ENTPD1: variants seen among roughly 807,000 people sequenced by gnomAD.
The protein encoded by ENTPD1 is ATP diphosphohydrolase.
ENTPD1 carries 33 observed loss-of-function variants against 57.0 expected under a neutral mutation model. The ratio of observed to expected loss-of-function variants is 0.58; its 90% CI spans 0.44 to 0.77. The LOEUF is 0.77. ENTPD1 is among the 30% of genes least tolerant of loss of function. The pLI is 0.00. For synonymous variants in ENTPD1, 202 were observed against 218.8 expected, an observed-to-expected ratio of 0.92 and a Z score of 0.68; for missense variants, 501 against 603.4, an observed-to-expected ratio of 0.83 and a Z score of 1.78.
At chr10:95,724,463 G>A (rs1014912180) in intron 1 of ENTPD1, among the ~76,000 whole-genome samples, 2 of 152,132 alleles carry the variant, frequency 1.3e-5, no homozygotes, top group African/African-American at 4.8e-5. Context: ...GGGGTTCTTG[G>A]CCTCACGGAT....
rs747723532 is a variant in ENTPD1, at chr10:95,839,767, A to G, written c.221A>G (p.Asp74Gly). 1 of 1,614,110 alleles carries G rather than the reference A, an allele frequency of 6.2e-7. No individual in the cohort carries two copies. Among genetic ancestry groups the G allele is most frequent in the Non-Finnish European group, 8.5e-7 (1 of 1,180,024 alleles). ...IYKWPAEKENDTGVVHQVEEC... is the reference protein window; with the variant it reads ...IYKWPAEKENGTGVVHQVEEC... ...AAGTGGCCAGCAGAAAAGGAGAATG[A>G]CACAGGCGTGGTGCATCAAGTAGAA... Residue 74 changes from aspartate (D) to glycine (G), a missense_variant, in exon 3 of 10, where the codon GAC (aspartate) becomes GGC (glycine). Transcript: ENST00000371205.
In ENTPD1 at chr10:95,864,219, C is replaced by T. The variant is rs950060284; in HGVS notation, c.1189-505C>T. On this transcript the variant is annotated intron_variant, in intron 8 of 9. Transcript: ENST00000371205. ...TGTGTTTCTCAAACTTTACTGTGCA[C>T]GTGAATCACCTGGGAATCATATTGG... 4.6e-5 allele frequency among the ~76,000 whole-genome samples: 7 copies of T among 152,244 alleles called. No homozygotes were observed. In the South Asian group the frequency reaches 6.2e-4, roughly 14 times the overall value.
At chr10:95,848,539 C>G (rs1441052370) in intron 7 of ENTPD1, among the ~76,000 whole-genome samples, 1 of 152,114 alleles carries the variant, frequency 6.6e-6, no homozygotes, top group African/African-American at 2.4e-5. Flanking sequence ...GTGATAATCT[C>G]AGTGCTGTAC....
At position 95,845,402 on chromosome 10, in the gene ENTPD1, G is replaced by A. The variant is rs1202376698; in HGVS notation, c.619G>A (p.Glu207Lys). ...AGTCCCATATGAAACCAATAATCAG[G>A]AAACCTTTGGAGCTTTGGACCTTGG... ...SIVPYETNNQ[E>K]TFGALDLGGA... The change falls in exon 6 of 10, where the codon GAA becomes AAA. Residue 207 changes from glutamate to lysine, a missense_variant. Glu to Lys is a moderately conservative substitution (Grantham distance 56, BLOSUM62 1). Coordinates refer to ENST00000371205, the MANE Select transcript of ENTPD1 (RefSeq NM_001776.6). 2 of 1,614,186 alleles carry A rather than the reference G, an allele frequency of 1.2e-6. No homozygotes were observed. The highest frequency in any genetic ancestry group is 2.2e-5 in the East Asian group (1 of 44,884).
At chr10:95,818,510 A>G (rs2098337653) in intron 1 of ENTPD1, among the ~76,000 whole-genome samples, 4 of 152,214 alleles carry the variant, frequency 2.6e-5, no homozygotes, top group African/African-American at 9.6e-5. Context: ...GGATTCTGAT[A>G]GAGAAGATAA....
intron 1 of ENTPD1, among the ~76,000 whole-genome samples, chr10:95,766,112 T>C (rs559060091): frequency 1.1e-4 from 17 of 152,306 alleles, no homozygotes; most frequent in African/African-American, 2.9e-4. Flanking sequence ...TAAAAAATTC[T>C]GCCACATTTA....
chr10:95,842,849 C>T (rs1035900756), intron 4 of ENTPD1, among the ~76,000 whole-genome samples: 4 of 152,184 alleles, frequency 2.6e-5, no homozygotes, highest in Admixed American at 6.5e-5. Flanking sequence ...GACTCATAGA[C>T]ATCCCAGGTC....
intron 1 of ENTPD1, among the ~76,000 whole-genome samples, chr10:95,792,915 C>G (rs1487533268): frequency 1.3e-5 from 2 of 152,182 alleles, no homozygotes; most frequent in South Asian, 4.1e-4. Flanking sequence ...GCTGAAATGT[C>G]ATGTTCACTC....
At chr10:95,813,487 C>A (rs942176624) in intron 1 of ENTPD1, among the ~76,000 whole-genome samples, 4 of 152,124 alleles carry the variant, frequency 2.6e-5, no homozygotes, top group African/African-American at 9.7e-5. Context: ...TCTTATCAGG[C>A]AGAAAAGATG....
At position 95,876,025 on chromosome 10, in the gene ENTPD1, A is replaced by C. The variant is rs2098485406; in HGVS notation, c.*9642A>C. 1 of 985,270 alleles carries C rather than the reference A, an allele frequency of 1.0e-6. No individual in the cohort carries two copies. The highest frequency in any genetic ancestry group is 1.7e-5 in the African/African-American group (1 of 57,230). The allele number at this position is 985,270 out of a possible 1,614,324, so 61.0% of individuals were successfully genotyped here. On this transcript the variant is annotated 3_prime_UTR_variant, in exon 10 of 10. Transcript: ENST00000371205. ...ACAATCTCTTGCTATATGACACAATAATTATTTGCAAAATGAGTAAACATA... is the reference window on the plus strand; with the variant it reads ...ACAATCTCTTGCTATATGACACAATCATTATTTGCAAAATGAGTAAACATA...
chr10:95,860,284 G>A (rs1383783357), intron 7 of ENTPD1, among the ~76,000 whole-genome samples, 185 bp from the exon 8 acceptor site: 4 of 152,164 alleles, frequency 2.6e-5, no homozygotes, highest in Non-Finnish European at 5.9e-5. Context: ...TTAGAAATGT[G>A]TGTCAGCAGC....
the ENTPD1 span, among the ~76,000 whole-genome samples, chr10:95,704,959 C>CA: frequency 2.0e-5 from 3 of 151,730 alleles, no homozygotes; most frequent in Admixed American, 2.0e-4. Flanking sequence ...TACAATCCCC[C>CA]AAAAAATTGA....
chr10:95,830,866 G>A (rs1025058715), intron 2 of ENTPD1, among the ~76,000 whole-genome samples: 19 of 152,176 alleles, frequency 1.2e-4, no homozygotes, highest in Non-Finnish European at 2.6e-4. Context: ...ATTCTAATGA[G>A]TAGTTTTGAT....
intron 7 of ENTPD1, among the ~76,000 whole-genome samples, chr10:95,848,845 G>T (rs2098440139): frequency 6.6e-6 from 1 of 152,178 alleles, no homozygotes; most frequent in Admixed American, 6.5e-5. Flanking sequence ...TTTATCACCT[G>T]AGGAGTCGTT....
chr10:95,736,809 A>T (rs1251070061), intron 1 of ENTPD1, among the ~76,000 whole-genome samples: 1 of 152,176 alleles, frequency 6.6e-6, no homozygotes, highest in Non-Finnish European at 1.5e-5. Context: ...CTAATGACTG[A>T]TAGGTGCAAA....
chr10:95,866,169 G>C lies in ENTPD1; in HGVS notation c.1327-8G>C, dbSNP rs113356670. On this transcript the variant is annotated splice_polypyrimidine_tract_variant and splice_region_variant and intron_variant, in intron 9 of 9. Coordinates refer to ENST00000371205, the MANE Select transcript of ENTPD1 (RefSeq NM_001776.6). ...CAACCACAAACAGACTTTCCCCACT[G>C]TTTGCAGATCCAGGGCAGCGACGCC... 7 of 1,612,154 alleles carry C rather than the reference G, an allele frequency of 4.3e-6. No homozygotes were observed. The highest frequency in any genetic ancestry group is 1.3e-5 in the African/African-American group (1 of 74,996).
At chr10:95,797,482 A>C (rs2098231264) in intron 1 of ENTPD1, among the ~76,000 whole-genome samples, 1 of 152,144 alleles carries the variant, frequency 6.6e-6, no homozygotes, top group Non-Finnish European at 1.5e-5. Context: ...GGAATGCCTG[A>C]GACTGGGTAA....
the ENTPD1 span, among the ~76,000 whole-genome samples, chr10:95,699,872 G>T: frequency 6.6e-6 from 1 of 152,202 alleles, no homozygotes; most frequent in African/African-American, 2.4e-5. Context: ...AATATCCATG[G>T]AAAGGGACTG....
intron 1 of ENTPD1, among the ~76,000 whole-genome samples, chr10:95,727,227 G>C (rs1182025324): frequency 1.3e-5 from 2 of 152,082 alleles, no homozygotes; most frequent in Non-Finnish European, 1.5e-5. Context: ...TTGAGGAGAA[G>C]GAAAGGAGAG....
Sources: gnomAD v4.1 joint callset for allele counts (sites outside exome capture counted in the v4.1 genomes callset) on GRCh38, gnomAD v4.1.1 for gene constraint, MANE v1.5 for transcripts, NCBI Gene and HGNC (gene_info 2026-07-23, HGNC 2026-07-21) for gene names.